Variants in SPATA7 observed in about 807,000 individuals in gnomAD.
SPATA7 encodes spermatogenesis-associated protein 7.
SPATA7 carries 43 observed loss-of-function variants against 51.8 expected under a neutral mutation model. The observed-to-expected ratio is 0.83, with a 90% confidence interval of 0.65 to 1.07. The LOEUF (loss-of-function observed/expected upper bound fraction) is 1.07. Ranked by LOEUF, SPATA7 falls within the 50% of genes least tolerant of loss-of-function variation. The pLI is 0.00. For synonymous variants in SPATA7, 230 were observed against 252.8 expected (o/e 0.91, Z 0.86); for missense variants, 683 against 701.3 (o/e 0.97, Z 0.30).
At chr14:88,455,159 A>G (rs990824067) in exon 4 of SPATA7, 2 of 450,772 alleles carry the variant, frequency 4.4e-6, no homozygotes, top group African/African-American at 4.0e-5. Flanking sequence ...AGGTGGCCAC[A>G]TGAAGAGCTC....
chr14:88,419,582 A>G (rs2076581293), intron 5 of SPATA7, among the ~76,000 whole-genome samples: 1 of 149,250 alleles, frequency 6.7e-6, no homozygotes, highest in East Asian at 2.0e-4. Context: ...GCCAGACTGC[A>G]GTGGCGCTAT....
chr14:88,467,637 T>C (rs2077385314), intron 4 of SPATA7: 1 of 152,440 alleles, frequency 6.6e-6, no homozygotes, highest in African/African-American at 2.4e-5. Context: ...CAAAAGATAA[T>C]AACATGATTT....
At chr14:88,442,886 T>C (rs2140037591), downstream of SPATA7, among the ~76,000 whole-genome samples, 1 of 152,198 alleles carries the variant, frequency 6.6e-6, no homozygotes, top group Middle Eastern at 3.4e-3. Context: ...GAATGTCTGA[T>C]AGAATTCAGC....
chr14:88,418,248 A>G (rs2076540879), intron 5 of SPATA7, among the ~76,000 whole-genome samples: 1 of 151,586 alleles, frequency 6.6e-6, no homozygotes, highest in Non-Finnish European at 1.5e-5. Flanking sequence ...TTTTGTTAAT[A>G]TCTGTGTTTA....
Position 88,409,251 on chromosome 14 carries a change from T to C in SPATA7, c.239-7460T>C, listed in dbSNP as rs112328597. Reference sequence around the variant, plus strand: ...TGGGCTTTTTTGGGTTGGTAGGCTATTAATTACTGCCTCAATTTCAGAACT... The same window carrying C: ...TGGGCTTTTTTGGGTTGGTAGGCTACTAATTACTGCCTCAATTTCAGAACT... On this transcript the variant is annotated intron_variant, in intron 4 of 11. Coordinates refer to ENST00000393545, the MANE Select transcript of SPATA7 (RefSeq NM_018418.5). 4.0e-3 allele frequency among the ~76,000 whole-genome samples: 614 copies of C among 152,276 alleles called. 8 individuals carry two copies. Among genetic ancestry groups the C allele is most frequent in the African/African-American group, 0.013 (559 of 41,568 alleles).
intron 4 of SPATA7, among the ~76,000 whole-genome samples, chr14:88,461,660 C>G (rs845770): frequency 0.93 from 141,240 of 151,904 alleles, 66,278 homozygotes; most frequent in Non-Finnish European, 0.99. Context: ...CACTTCCCGG[C>G]TGAGGCGATG....
intron 4 of SPATA7, among the ~76,000 whole-genome samples, chr14:88,405,788 T>C (rs993274261): frequency 6.6e-6 from 1 of 152,128 alleles, no homozygotes; most frequent in Non-Finnish European, 1.5e-5. Flanking sequence ...GCAGTTGGAG[T>C]GCAAGTCTGG....
At chr14:88,394,410 G>A (rs964311144) in intron 3 of SPATA7, among the ~76,000 whole-genome samples, 4 of 152,164 alleles carry the variant, frequency 2.6e-5, no homozygotes, top group Non-Finnish European at 4.4e-5. Flanking sequence ...ATGGAATCAT[G>A]TATCGTTTTG....
chr14:88,416,262 T>C (rs1274300653), intron 4 of SPATA7: 1 of 157,994 alleles, frequency 6.3e-6, no homozygotes, highest in Non-Finnish European at 1.4e-5. Flanking sequence ...TATTTCTTCT[T>C]TGTTTGTGAA....
chr14:88,467,368 GA>G (rs1415695732), intron 4 of SPATA7: 2 of 152,064 alleles, frequency 1.3e-5, no homozygotes, highest in Non-Finnish European at 2.9e-5. Context: ...GAATAATACT[GA>G]AAAAATAATG....
At position 88,469,565 on chromosome 14, in the gene SPATA7, C is replaced by T. The variant is rs781009004; in HGVS notation, c.255-282C>T. The T allele has an allele frequency of 7.4e-6, 12 of 1,614,028 alleles. No individual in the cohort carries two copies. Among genetic ancestry groups the T allele is most frequent in the Admixed American group, 6.7e-5 (4 of 59,996 alleles). On this transcript the variant is annotated intron_variant, in intron 4 of 4. Coordinates refer to the SPATA7 transcript ENST00000556406. The surrounding 1 kb of genome is among the most constrained non-coding windows in gnomAD (Gnocchi z 4.3). ...CAGTCTGTGTATTGGAGGTGCCAGA[C>T]GGTCCTCTCTTGCCCAGTAAGGAGG...
At position 88,429,476 on chromosome 14, in the gene SPATA7, C is replaced by T; in HGVS notation, c.1028+13C>T. The T allele has an allele frequency of 6.5e-7, 1 of 1,530,048 alleles. No homozygotes were observed. Among genetic ancestry groups the T allele is most frequent in the African/African-American group, 1.4e-5 (1 of 73,162 alleles). 94.8% of individuals were successfully genotyped at this position (1,530,048 alleles called of 1,614,324 possible). ...ATTCCTCACCAAGGTAAACAGTTCA[C>T]AGGAGAAATAATTTCAACTGTCTTT... is the stretch of plus-strand genomic sequence containing the variant. On this transcript the variant is annotated intron_variant, in intron 8 of 11. Transcript: ENST00000393545.
downstream of SPATA7, among the ~76,000 whole-genome samples, chr14:88,459,406 C>T (rs542121204): frequency 8.5e-5 from 13 of 152,260 alleles, no homozygotes; most frequent in East Asian, 1.5e-3. Context: ...CTAGGTGCTC[C>T]TGTATTGGGT....
intron 4 of SPATA7, among the ~76,000 whole-genome samples, chr14:88,464,882 G>GAAC (rs1297286622): frequency 6.6e-6 from 1 of 151,950 alleles, no homozygotes; most frequent in Admixed American, 6.6e-5. Context: ...TTAATATTGT[G>GAAC]AACATTTAAC....
chr14:88,435,082 G>A (rs2140021162), intron 10 of SPATA7, among the ~76,000 whole-genome samples: 1 of 152,250 alleles, frequency 6.6e-6, no homozygotes, highest in African/African-American at 2.4e-5. Context: ...TGACCTCAGG[G>A]GAGAGGAAAT....
At chr14:88,464,987 C>CCT (rs1183541953) in intron 4 of SPATA7, among the ~76,000 whole-genome samples, 2 of 152,188 alleles carry the variant, frequency 1.3e-5, no homozygotes, top group Non-Finnish European at 2.9e-5. Flanking sequence ...ACCACACTCT[C>CCT]CTCCCTCCTC....
At chr14:88,443,890 A>T (rs372590240) in intron 3 of SPATA7, among the ~76,000 whole-genome samples, 1 of 152,076 alleles carries the variant, frequency 6.6e-6, no homozygotes, top group South Asian at 2.1e-4. Context: ...TCATTGATGG[A>T]CATTTGGGTT....
downstream of SPATA7, among the ~76,000 whole-genome samples, chr14:88,457,891 G>A (rs1214837483): frequency 2.0e-5 from 3 of 152,048 alleles, no homozygotes; most frequent in African/African-American, 7.3e-5. Flanking sequence ...ATTATTTTGA[G>A]ATACATCCCA....
intron 8 of SPATA7, 91 bp from the exon 9 acceptor site, chr14:88,431,081 C>T (rs2076926286): frequency 9.0e-7 from 1 of 1,108,584 alleles, no homozygotes; most frequent in Admixed American, 1.7e-5. Flanking sequence ...AAGATAAGGG[C>T]TATTCAGTGT....
Sources: gnomAD v4.1 joint callset for allele counts (sites outside exome capture counted in the v4.1 genomes callset) on GRCh38, gnomAD v4.1.1 for gene constraint, Gnocchi (gnomAD v3.1) non-coding constraint, MANE v1.5 for transcripts, NCBI Gene and HGNC (gene_info 2026-07-23, HGNC 2026-07-21) for gene names.